Variants in RALA observed in about 807,000 individuals in gnomAD.
RALA encodes the protein ras-related protein Ral-A.
A neutral mutation model predicts 24.0 loss-of-function variants in RALA; 5 were observed. The observed-to-expected ratio is 0.21, with a 90% CI of 0.11 to 0.44. The LOEUF is 0.44. Ranked by LOEUF, RALA falls within the 20% of genes least tolerant of loss-of-function variation. The pLI is 0.99. For missense variants in RALA, 95 were observed against 241.2 expected (o/e 0.39, Z 4.01); for synonymous variants, 77 against 83.8 (o/e 0.92, Z 0.44).
chr7:39,638,121 A>AC (rs1791715865), intron 1 of RALA, among the ~76,000 whole-genome samples: 1 of 152,086 alleles, frequency 6.6e-6, no homozygotes, highest in African/African-American at 2.4e-5. Context: ...TCTGTCACTT[A>AC]GGCTGAATGC....
At chr7:39,692,584 A>G (rs1329028689) in intron 3 of RALA, among the ~76,000 whole-genome samples, 1 of 152,202 alleles carries the variant, frequency 6.6e-6, no homozygotes, top group Non-Finnish European at 1.5e-5. Flanking sequence ...GACATCCAGC[A>G]AAGTTGCTAG....
intron 1 of RALA, among the ~76,000 whole-genome samples, chr7:39,637,793 A>G (rs1161426739): frequency 6.6e-6 from 1 of 152,124 alleles, no homozygotes; most frequent in Admixed American, 6.6e-5. Flanking sequence ...CATACCCTAC[A>G]CCTATATTCA....
At chr7:39,644,177 A>G (rs1474307727) in intron 1 of RALA, among the ~76,000 whole-genome samples, 4 of 151,432 alleles carry the variant, frequency 2.6e-5, no homozygotes, top group African/African-American at 4.9e-5. Flanking sequence ...CTTATTCATT[A>G]TGGTCTTGCT....
At chr7:39,689,326 A>C (rs1274433017) in intron 2 of RALA, among the ~76,000 whole-genome samples, 1 of 152,220 alleles carries the variant, frequency 6.6e-6, no homozygotes, top group Non-Finnish European at 1.5e-5. Flanking sequence ...GACTAAGCAC[A>C]TTAATAGCAT....
chr7:39,639,793 C>T (rs1166069794), intron 1 of RALA, among the ~76,000 whole-genome samples: 1 of 152,096 alleles, frequency 6.6e-6, no homozygotes, highest in Non-Finnish European at 1.5e-5. Context: ...CTGGAACCAG[C>T]CTTGAACAGG....
chr7:39,634,882 T>C (rs1039679862), intron 1 of RALA, among the ~76,000 whole-genome samples: 1 of 152,270 alleles, frequency 6.6e-6, no homozygotes, highest in Non-Finnish European at 1.5e-5. Context: ...TTTCTACTTA[T>C]CTGGTTACAA....
chr7:39,646,898 AAAGT>A (rs1791933607), intron 1 of RALA, among the ~76,000 whole-genome samples: 1 of 152,226 alleles, frequency 6.6e-6, no homozygotes, highest in African/African-American at 2.4e-5. Flanking sequence ...TAAGTTAGAA[AAAGT>A]AAGAAAATAA....
intron 1 of RALA, among the ~76,000 whole-genome samples, chr7:39,648,302 CTT>C (rs1361854748): frequency 2.6e-5 from 4 of 152,080 alleles, no homozygotes; most frequent in Non-Finnish European, 4.4e-5. Context: ...CTCTAGTCCT[CTT>C]TCTGCTATCA....
chr7:39,683,302 A>C (rs780616400), intron 1 of RALA, among the ~76,000 whole-genome samples: 1 of 152,052 alleles, frequency 6.6e-6, no homozygotes, highest in Non-Finnish European at 1.5e-5. Flanking sequence ...ACCCTCTTCT[A>C]AGTTCTTTGT....
chr7:39,699,362 G>A (rs7809286), intron 4 of RALA, among the ~76,000 whole-genome samples: 4,358 of 151,118 alleles, frequency 0.029, 219 homozygotes, highest in African/African-American at 0.1. Flanking sequence ...GGATGGTCTT[G>A]ATCTCCTGAC....
chr7:39,673,794 T>C (rs1026950081), intron 1 of RALA, among the ~76,000 whole-genome samples: 1 of 152,094 alleles, frequency 6.6e-6, no homozygotes, highest in Non-Finnish European at 1.5e-5. Flanking sequence ...CTCCTGATGT[T>C]AATGGAAGTG....
At chr7:39,685,483 T>A (rs1583748537) in intron 1 of RALA, among the ~76,000 whole-genome samples, 1 of 152,122 alleles carries the variant, frequency 6.6e-6, no homozygotes, top group Admixed American at 6.5e-5. Context: ...CAACCCCCAA[T>A]AACAAAAAGT....
intron 1 of RALA, among the ~76,000 whole-genome samples, chr7:39,633,235 C>T (rs568492363): frequency 3.9e-5 from 6 of 152,294 alleles, no homozygotes; most frequent in South Asian, 2.1e-4. Flanking sequence ...AGTCTGTTCT[C>T]GCACTGCTAT....
intron 4 of RALA, among the ~76,000 whole-genome samples, 170 bp downstream of exon 4, chr7:39,697,029 G>A (rs923513208): frequency 3.3e-5 from 5 of 152,108 alleles, no homozygotes; most frequent in African/African-American, 1.2e-4. Flanking sequence ...AGTTCACCTT[G>A]TCCTTAGCTT....
At chr7:39,662,072 T>A (rs1792201946) in intron 1 of RALA, among the ~76,000 whole-genome samples, 1 of 152,154 alleles carries the variant, frequency 6.6e-6, no homozygotes, top group African/African-American at 2.4e-5. Context: ...CTGGCCCCTT[T>A]TAGTCATAGC....
intron 1 of RALA, among the ~76,000 whole-genome samples, chr7:39,671,283 T>C (rs1792382562): frequency 6.6e-6 from 1 of 152,204 alleles, no homozygotes. Flanking sequence ...TTTTATAGCT[T>C]TCTTTCTTAC....
chr7:39,703,592 TAGCAGCCAC>T (rs1321794819), intron 4 of RALA, among the ~76,000 whole-genome samples: 1 of 152,226 alleles, frequency 6.6e-6, no homozygotes, highest in Non-Finnish European at 1.5e-5. Context: ...GAATGATATT[TAGCAGCCAC>T]AGCATAGTTA....
chr7:39,696,212 A>G (rs896861116), intron 3 of RALA, among the ~76,000 whole-genome samples: 2 of 152,206 alleles, frequency 1.3e-5, no homozygotes, highest in African/African-American at 4.8e-5. Context: ...TTGAAAAACA[A>G]TTGGTGGGAC....
At chr7:39,643,788 C>T (rs1439025606) in intron 1 of RALA, among the ~76,000 whole-genome samples, 1 of 152,116 alleles carries the variant, frequency 6.6e-6, no homozygotes, top group African/African-American at 2.4e-5. Context: ...ACCTGGAAGG[C>T]AGAGGTTGCA....
Sources: gnomAD v4.1 joint callset for allele counts (sites outside exome capture counted in the v4.1 genomes callset) on GRCh38, gnomAD v4.1.1 for gene constraint, MANE v1.5 for transcripts, NCBI Gene and HGNC (gene_info 2026-07-23, HGNC 2026-07-21) for gene names.